Variants in CPXM2 observed in about 807,000 individuals in gnomAD.
The protein encoded by CPXM2 is inactive carboxypeptidase-like protein X2.
CPXM2 carries 66 observed loss-of-function variants against 86.1 expected under a neutral mutation model. The observed-to-expected ratio is 0.77, with a 90% CI of 0.63 to 0.94. CPXM2 has a LOEUF of 0.94. Among genes scored for constraint, CPXM2 ranks in the 40% least tolerant of loss-of-function variants. The pLI, the probability that CPXM2 is intolerant of heterozygous loss-of-function variation, is 0.00. For missense variants in CPXM2, 948 were observed against 1,026.3 expected (o/e 0.92, Z 1.04); for synonymous variants, 388 against 400.2 (o/e 0.97, Z 0.36).
intron 2 of CPXM2, among the ~76,000 whole-genome samples, chr10:123,923,593 AAG>A (rs1945596601): frequency 6.6e-6 from 1 of 152,114 alleles, no homozygotes; most frequent in Admixed American, 6.6e-5. Context: ...AAAAAAAAAA[AAG>A]AAATAAACAT....
In CPXM2 at chr10:123,866,498, G is replaced by C. The variant is rs536320523; in HGVS notation, c.404-3775C>G. Reference sequence around the variant, plus strand: ...GAGAATCGCTTAAACCTGGGAGGCGGAGGTTGCAGTGAGCCGAGATCGTGC... The same window carrying C: ...GAGAATCGCTTAAACCTGGGAGGCGCAGGTTGCAGTGAGCCGAGATCGTGC... On this transcript the variant is annotated intron_variant, in intron 2 of 13. Transcript: ENST00000241305. Among the ~76,000 whole-genome samples the C allele has an allele frequency of 3.3e-5, 5 of 152,232 alleles. No individual in the cohort carries two copies. The South Asian group carries it at 1.0e-3, about 32-fold the overall frequency.
intron 3 of CPXM2, among the ~76,000 whole-genome samples, chr10:123,854,403 A>C (rs1486063609): frequency 1.6e-5 from 2 of 122,114 alleles, no homozygotes; most frequent in Non-Finnish European, 3.2e-5. Flanking sequence ...TATTATATAT[A>C]TATTATATAT....
At chr10:123,905,962 G>A (rs1945435265) in intron 2 of CPXM2, among the ~76,000 whole-genome samples, 2 of 152,166 alleles carry the variant, frequency 1.3e-5, no homozygotes, top group African/African-American at 4.8e-5. Flanking sequence ...TATGTGAACA[G>A]GCCAAGCCCC....
chr10:123,799,559 C>T (rs1167848848), intron 4 of CPXM2, among the ~76,000 whole-genome samples: 1 of 152,222 alleles, frequency 6.6e-6, no homozygotes, highest in Non-Finnish European at 1.5e-5. Flanking sequence ...TGAACACCTA[C>T]ATCACACCCA....
intron 12 of CPXM2, among the ~76,000 whole-genome samples, chr10:123,755,425 G>C (rs1377959680): frequency 6.6e-6 from 1 of 152,214 alleles, no homozygotes; most frequent in African/African-American, 2.4e-5. Context: ...GCCTGGCTCT[G>C]TGTGGATTTG....
chr10:123,934,786 C>T (rs1945699994), intron 2 of CPXM2, among the ~76,000 whole-genome samples: 1 of 152,180 alleles, frequency 6.6e-6, no homozygotes, highest in Admixed American at 6.5e-5. Flanking sequence ...CACCCATTTC[C>T]TCCAGCCATC....
At chr10:123,787,135 C>T (rs1423999544) in intron 6 of CPXM2, among the ~76,000 whole-genome samples, 1 of 152,190 alleles carries the variant, frequency 6.6e-6, no homozygotes, top group African/African-American at 2.4e-5. Flanking sequence ...TCCAAGGTGG[C>T]TCCCAGGTGG....
At chr10:123,916,024 C>T (rs1008707774) in intron 2 of CPXM2, among the ~76,000 whole-genome samples, 1 of 152,138 alleles carries the variant, frequency 6.6e-6, no homozygotes, top group Non-Finnish European at 1.5e-5. Flanking sequence ...CTTGTGGATT[C>T]CAGGGCACTT....
chr10:123,757,258 C>T lies in CPXM2; in HGVS notation c.1872G>A (p.Glu624=). The change falls in exon 12 of 14, where the codon GAG becomes GAA. Residue 624 remains glutamate (E), a synonymous_variant. Transcript: ENST00000241305. ...GAGATTCCCGGTTATTCTCCCACTC[C>T]TCGGGCAGCTGGCTCTCATGTGGGT... ...DKYPHESQLP[E]EWENNRESLI... 1 of 1,614,088 alleles carries T rather than the reference C, an allele frequency of 6.2e-7. No homozygotes were observed. The highest frequency in any genetic ancestry group is 8.5e-7 in the Non-Finnish European group (1 of 1,179,924).
intron 2 of CPXM2, among the ~76,000 whole-genome samples, chr10:123,936,731 C>T (rs942730337): frequency 1.3e-5 from 2 of 152,198 alleles, no homozygotes; most frequent in African/African-American, 4.8e-5. Flanking sequence ...TCTCCACTCT[C>T]CCTTTGTCTC....
chr10:123,905,880 G>A (rs1234974087), intron 2 of CPXM2, among the ~76,000 whole-genome samples: 1 of 151,960 alleles, frequency 6.6e-6, no homozygotes, highest in Non-Finnish European at 1.5e-5. Flanking sequence ...CAGGAGACAC[G>A]CTCAAGCCCT....
At chr10:123,843,562 T>C (rs1590058590) in intron 3 of CPXM2, among the ~76,000 whole-genome samples, 1 of 151,560 alleles carries the variant, frequency 6.6e-6, no homozygotes, top group Admixed American at 6.6e-5. Flanking sequence ...CTATTTCTTA[T>C]GATCAGATTA....
chr10:123,786,158 A>G (rs1307364339), intron 6 of CPXM2, among the ~76,000 whole-genome samples: 1 of 152,196 alleles, frequency 6.6e-6, no homozygotes, highest in African/African-American at 2.4e-5. Flanking sequence ...TGAAGCAAAA[A>G]GCTTTTACTG....
intron 3 of CPXM2, among the ~76,000 whole-genome samples, chr10:123,855,715 G>A (rs1267786053): frequency 6.6e-6 from 1 of 152,210 alleles, no homozygotes; most frequent in African/African-American, 2.4e-5. Context: ...GCCACAGGCA[G>A]CAGCCGCCTC....
intron 6 of CPXM2, among the ~76,000 whole-genome samples, chr10:123,787,895 C>A (rs186260271): frequency 6.6e-6 from 1 of 152,030 alleles, no homozygotes; most frequent in African/African-American, 2.4e-5. Flanking sequence ...GGGTTTGTAG[C>A]CCCCATTTTT....
intron 4 of CPXM2, among the ~76,000 whole-genome samples, chr10:123,814,283 TAGA>T (rs1847763063): frequency 6.6e-6 from 1 of 152,224 alleles, no homozygotes; most frequent in East Asian, 1.9e-4. Flanking sequence ...CCAATGCAGC[TAGA>T]ATATAAAGCA....
Position 123,768,584 on chromosome 10 carries a change from G to A in CPXM2, c.1241C>T (p.Thr414Met), listed in dbSNP as rs781558861. The A allele has an allele frequency of 8.4e-5, 136 of 1,613,732 alleles. No homozygotes were observed. Among genetic ancestry groups the A allele is most frequent in the Non-Finnish European group, 1.1e-4 (128 of 1,179,898 alleles). Residue 414 changes from threonine (T) to methionine (M), a missense_variant, in exon 9 of 14, where the codon ACG becomes ATG. Coordinates refer to ENST00000241305, the MANE Select transcript of CPXM2 (RefSeq NM_198148.3). ...GAGGGAGGGGAGGACGTGAATCCGCGTCTCCTCCACCAGGTGGACGATGCG... is the reference window on the plus strand; with the variant it reads ...GAGGGAGGGGAGGACGTGAATCCGCATCTCCTCCACCAGGTGGACGATGCG... ...NARIVHLVEE[T>M]RIHVLPSLNP... is the part of the protein sequence containing the mutation.
chr10:123,761,221 G>A lies in CPXM2; in HGVS notation c.1777+651C>T, dbSNP rs1005506108. On this transcript the variant is annotated intron_variant, in intron 11 of 13. Coordinates refer to ENST00000241305, the MANE Select transcript of CPXM2 (RefSeq NM_198148.3). ...TGAATTCCCCATGCAGCACACAGTC[G>A]GCGTTGACCGCAGGCTGTGGGTATG... is the stretch of plus-strand genomic sequence containing the variant. Among the ~76,000 whole-genome samples the A allele has an allele frequency of 6.6e-5, 10 of 152,202 alleles. No individual in the cohort carries two copies. The South Asian group carries it at 1.4e-3, about 22-fold the overall frequency.
Position 123,891,712 on chromosome 10 carries a change from C to G in CPXM2, c.-53G>C. 2 of 1,265,872 alleles carry G rather than the reference C, an allele frequency of 1.6e-6. No individual in the cohort carries two copies. The highest frequency in any genetic ancestry group is 2.0e-6 in the Non-Finnish European group (2 of 995,234). 78.4% of individuals were successfully genotyped at this position (1,265,872 alleles called of 1,614,324 possible). On this transcript the variant is annotated 5_prime_UTR_variant, in exon 1 of 14. Coordinates refer to ENST00000241305, the MANE Select transcript of CPXM2 (RefSeq NM_198148.3). This position sits in a 1 kb window ranked among gnomAD's most constrained non-coding sequence, Gnocchi z 5.6. ...GGTCACGGTCACCGGGGGCGCCGGG[C>G]GGGCTGCGGGCGCAGAAGCTGGCGC...
Sources: allele counts gnomAD v4.1 joint callset (sites outside exome capture counted in the v4.1 genomes callset), GRCh38; gene constraint gnomAD v4.1.1; non-coding constraint Gnocchi (gnomAD v3.1); transcripts MANE v1.5; gene names NCBI Gene and HGNC (gene_info 2026-07-23, HGNC 2026-07-21).